BCL2: variants seen among roughly 807,000 people sequenced by gnomAD.
The protein encoded by BCL2 is BCL2 apoptosis regulator.
Under a neutral mutation model 14.2 loss-of-function variants are expected in BCL2, and 1 was observed. The ratio of observed to expected loss-of-function variants is 0.07; its 90% CI spans 0.02 to 0.33. The LOEUF (loss-of-function observed/expected upper bound fraction) is 0.33, where lower values mean the gene tolerates loss of function less well. BCL2 is among the 10% of genes least tolerant of loss of function. The pLI is 0.99. For missense variants in BCL2, 247 were observed against 305.9 expected, an observed-to-expected ratio of 0.81 and a Z score of 1.44; for synonymous variants, 151 against 137.2, an observed-to-expected ratio of 1.10 and a Z score of -0.70.
chr18:63,192,223 CAAG>C (rs1404081236), intron 2 of BCL2, among the ~76,000 whole-genome samples: 3 of 152,234 alleles, frequency 2.0e-5, no homozygotes, highest in Non-Finnish European at 4.4e-5. Context: ...ATTTGAAAGG[CAAG>C]AAGGAGCCAG....
Position 63,128,103 on chromosome 18 carries a change from G to A in BCL2, c.*522C>T, listed in dbSNP as rs1317371893. On this transcript the variant is annotated 3_prime_UTR_variant, in exon 3 of 3. Coordinates refer to ENST00000333681, the MANE Select transcript of BCL2 (RefSeq NM_000633.3). The stretch of plus-strand genomic sequence containing the variant: ...TTCCCCCCACAGGAACCCTCCCTCT[G>A]TTAATATCACAGCCCCCAGGGCAAA... 4.4e-6 allele frequency: 1 copy of A among 227,350 alleles called. No individual in the cohort carries two copies. Among genetic ancestry groups the A allele is most frequent in the Non-Finnish European group, 8.7e-6 (1 of 114,300 alleles). The allele number at this position is 227,350 out of a possible 1,614,324, so 14.1% of individuals were successfully genotyped here. A position where few individuals can be genotyped will look rare whatever the true frequency, so the allele number is the denominator to read the frequency against.
At chr18:63,194,038 C>T (rs1038513638) in intron 2 of BCL2, among the ~76,000 whole-genome samples, 1 of 152,238 alleles carries the variant, frequency 6.6e-6, no homozygotes, top group Non-Finnish European at 1.5e-5. Context: ...TTTCCTTTAG[C>T]TCTCTGCTCC....
At chr18:63,256,431 G>A (rs1304388403) in intron 2 of BCL2, among the ~76,000 whole-genome samples, 2 of 152,198 alleles carry the variant, frequency 1.3e-5, no homozygotes, top group Non-Finnish European at 2.9e-5. Context: ...TGGCCAGGCT[G>A]GTCTTGAACT....
At chr18:63,151,645 G>A (rs1051954368) in intron 2 of BCL2, among the ~76,000 whole-genome samples, 7 of 152,120 alleles carry the variant, frequency 4.6e-5, no homozygotes, top group Admixed American at 3.9e-4. Context: ...AATGAAAATC[G>A]GAGCTTATTA....
chr18:63,262,291 A>C (rs1199900176), intron 2 of BCL2, among the ~76,000 whole-genome samples: 1 of 152,244 alleles, frequency 6.6e-6, no homozygotes, highest in Non-Finnish European at 1.5e-5. Flanking sequence ...GAAAATCATC[A>C]GAAGAGCTTT....
chr18:63,250,683 T>TA (rs1911285511), intron 2 of BCL2, among the ~76,000 whole-genome samples: 1 of 152,240 alleles, frequency 6.6e-6, no homozygotes, highest in South Asian at 2.1e-4. Flanking sequence ...GGAATACTGT[T>TA]AAGTGATTTT....
At chr18:63,262,841 C>A (rs1048541874) in intron 2 of BCL2, among the ~76,000 whole-genome samples, 1 of 152,162 alleles carries the variant, frequency 6.6e-6, no homozygotes, top group African/African-American at 2.4e-5. Context: ...GAACTTACAT[C>A]AACAAGGAAT....
chr18:63,169,392 T>TC (rs1418616995), intron 2 of BCL2, among the ~76,000 whole-genome samples: 4 of 124,816 alleles, frequency 3.2e-5, no homozygotes, highest in South Asian at 2.7e-4. Flanking sequence ...TCTTTCTTTT[T>TC]CTTTCTTTCT....
chr18:63,154,463 G>A (rs373282075), intron 2 of BCL2, among the ~76,000 whole-genome samples: 9 of 152,026 alleles, frequency 5.9e-5, no homozygotes, highest in African/African-American at 1.9e-4. Flanking sequence ...TCCACAGGGC[G>A]AGCTGGCCCT....
intron 2 of BCL2, among the ~76,000 whole-genome samples, chr18:63,199,079 CAT>C (rs910006749): frequency 2.7e-5 from 4 of 150,604 alleles, no homozygotes; most frequent in South Asian, 2.1e-4. Flanking sequence ...CACATGCACA[CAT>C]AGAGACACAC....
chr18:63,128,050 C>T lies in BCL2; in HGVS notation c.*575G>A, dbSNP rs1913957322. The T allele has an allele frequency of 4.4e-6, 1 of 226,292 alleles. No individual in the cohort carries two copies. 14.0% of individuals were successfully genotyped at this position (226,292 alleles called of 1,614,324 possible). A position where few individuals can be genotyped will look rare whatever the true frequency, so the allele number is the denominator to read the frequency against. On this transcript the variant is annotated 3_prime_UTR_variant, in exon 3 of 3. Coordinates refer to ENST00000333681, the MANE Select transcript of BCL2 (RefSeq NM_000633.3). ...ATCATGTGAGTCATATGCAAAGAGTCTCTTCTTCAGGCCAGGGAGGCATGG... is the reference window on the plus strand; with the variant it reads ...ATCATGTGAGTCATATGCAAAGAGTTTCTTCTTCAGGCCAGGGAGGCATGG...
At chr18:63,251,845 C>T (rs1467548149) in intron 2 of BCL2, among the ~76,000 whole-genome samples, 1 of 151,572 alleles carries the variant, frequency 6.6e-6, no homozygotes, top group Non-Finnish European at 1.5e-5. Flanking sequence ...ATTACAAGCA[C>T]CTGCCACCAC....
Position 63,268,896 on chromosome 18 carries a change from C to T in BCL2, c.585+49186G>A, listed in dbSNP as rs529633174. ...CAGGGGAGGGAAAACAGTACCCAAT[C>T]CATGAAAGTATTAAATATTACATAT... On this transcript the variant is annotated intron_variant, in intron 2 of 2. Transcript: ENST00000333681. Among the ~76,000 whole-genome samples the T allele has an allele frequency of 2.6e-5, 4 of 152,184 alleles. No homozygotes were observed. The South Asian group carries it at 6.2e-4, about 24-fold the overall frequency.
At chr18:63,191,010 T>C (rs1369164691) in intron 2 of BCL2, among the ~76,000 whole-genome samples, 1 of 152,218 alleles carries the variant, frequency 6.6e-6, no homozygotes, top group Non-Finnish European at 1.5e-5. Context: ...GCTTCATCTA[T>C]GTCCCTGCAA....
intron 2 of BCL2, among the ~76,000 whole-genome samples, chr18:63,160,954 T>G (rs529401075): frequency 1.3e-5 from 2 of 152,300 alleles, no homozygotes; most frequent in Non-Finnish European, 2.9e-5. Flanking sequence ...AAGGTTGCAG[T>G]ATTTCCTGGA....
intron 2 of BCL2, among the ~76,000 whole-genome samples, chr18:63,303,539 T>A (rs558533115): frequency 4.6e-5 from 7 of 152,334 alleles, no homozygotes; most frequent in East Asian, 1.9e-4. Flanking sequence ...ATTTTTGTTT[T>A]AAAAATTTAA....
intron 2 of BCL2, among the ~76,000 whole-genome samples, chr18:63,177,631 C>T (rs1019931752): frequency 6.6e-5 from 10 of 152,246 alleles, no homozygotes; most frequent in African/African-American, 2.4e-4. Context: ...AGCGTGGAGG[C>T]ACCTAGCACA....
At chr18:63,241,154 C>T (rs1382037058) in intron 2 of BCL2, among the ~76,000 whole-genome samples, 1 of 152,222 alleles carries the variant, frequency 6.6e-6, no homozygotes, top group Non-Finnish European at 1.5e-5. Flanking sequence ...AGATTTGGCC[C>T]ACAGGCCATA....
chr18:63,172,825 T>C (rs1770414294), intron 2 of BCL2, among the ~76,000 whole-genome samples: 1 of 152,122 alleles, frequency 6.6e-6, no homozygotes, highest in Non-Finnish European at 1.5e-5. Context: ...CCCATCTAAA[T>C]GACCAACTCT....
Sources: gnomAD v4.1 joint callset for allele counts (sites outside exome capture counted in the v4.1 genomes callset) on GRCh38, gnomAD v4.1.1 for gene constraint, MANE v1.5 for transcripts, NCBI Gene and HGNC (gene_info 2026-07-23, HGNC 2026-07-21) for gene names.